Variants in SMKR1 observed in about 807,000 individuals in gnomAD.
The protein encoded by SMKR1 is small lysine rich protein 1.
Under a neutral mutation model 4.0 loss-of-function variants are expected in SMKR1, and 4 were observed. The observed-to-expected ratio is 1.00, with a 90% CI of 0.49 to 2.30. SMKR1 has a LOEUF of 2.30. Among genes scored for constraint, SMKR1 ranks in the 30% most tolerant of loss-of-function variants. SMKR1 has a pLI of 0.02. For missense variants in SMKR1, 56 were observed against 81.8 expected, an observed-to-expected ratio of 0.68 and a Z score of 1.22; for synonymous variants, 38 against 32.5, an observed-to-expected ratio of 1.17 and a Z score of -0.58.
At chr7:129,504,855 G>A (rs639696) in intron 1 of SMKR1, among the ~76,000 whole-genome samples, 47,412 of 152,134 alleles carry the variant, frequency 0.31, 7,628 homozygotes, top group African/African-American at 0.4. Flanking sequence ...CTGGCCAATA[G>A]GGCCCTTTCT....
At position 129,502,679 on chromosome 7, in the gene SMKR1, TG is replaced by T. The variant is rs1799422675; in HGVS notation, c.-143del. 2 of 1,260,082 alleles carry T rather than the reference TG, an allele frequency of 1.6e-6. No homozygotes were observed. Among genetic ancestry groups the T allele is most frequent in the Non-Finnish European group, 2.2e-6 (2 of 911,214 alleles). The allele number at this position is 1,260,082 out of a possible 1,614,324, so 78.1% of individuals were successfully genotyped here. On this transcript the variant is annotated 5_prime_UTR_variant, in exon 1 of 2. Coordinates refer to ENST00000462322, the MANE Select transcript of SMKR1 (RefSeq NM_001195243.2). ...GCGTGGCGGGGAGGCGTAGTGAGGC[TG>T]GGCCCGTGGCGGTTCCCTGAGGAGG...
At chr7:129,507,970 C>A (rs1005889658) in intron 1 of SMKR1, among the ~76,000 whole-genome samples, 1 of 152,102 alleles carries the variant, frequency 6.6e-6, no homozygotes, top group African/African-American at 2.4e-5. Flanking sequence ...TTTTCATTCT[C>A]TTAATAATAT....
chr7:129,505,482 T>TC (rs1554389827), intron 1 of SMKR1, among the ~76,000 whole-genome samples: 1 of 151,668 alleles, frequency 6.6e-6, no homozygotes, highest in East Asian at 1.9e-4. Flanking sequence ...TCTCTTTTTC[T>TC]CTTTTTTTTT....
At chr7:129,503,560 C>G (rs970254683) in intron 1 of SMKR1, among the ~76,000 whole-genome samples, 2 of 152,232 alleles carry the variant, frequency 1.3e-5, no homozygotes, top group African/African-American at 4.8e-5. Context: ...CTTGCGCCTT[C>G]CCTGTCTTGA....
rs1398653272 is a variant in SMKR1 at position 129,502,705 on chromosome 7, G to A, written c.-120G>A. ...GGGCCCGTGGCGGTTCCCTGAGGAG[G>A]GCCGAGAAGGGGCCGGGGGTGCTAG... On this transcript the variant is annotated 5_prime_UTR_variant, in exon 1 of 2. Coordinates refer to ENST00000462322, the MANE Select transcript of SMKR1 (RefSeq NM_001195243.2). 3 of 1,454,744 alleles carry A rather than the reference G, an allele frequency of 2.1e-6. No homozygotes were observed. The highest frequency in any genetic ancestry group is 2.8e-6 in the Non-Finnish European group (3 of 1,077,302). 90.1% of individuals were successfully genotyped at this position (1,454,744 alleles called of 1,614,324 possible). A position where few individuals can be genotyped will look rare whatever the true frequency, so the allele number is the denominator to read the frequency against.
chr7:129,502,918 G>T, intron 1 of SMKR1, 91 bp downstream of exon 1: 1 of 1,516,078 alleles, frequency 6.6e-7, no homozygotes, highest in Admixed American at 2.0e-5. Flanking sequence ...CGAGGTCACC[G>T]CCTCTCCCTG....
intron 1 of SMKR1, among the ~76,000 whole-genome samples, chr7:129,511,028 C>G (rs927270342): frequency 6.6e-6 from 1 of 152,086 alleles, no homozygotes; most frequent in Non-Finnish European, 1.5e-5. Context: ...AGGCTGGTCT[C>G]GAACTTCCTG....
chr7:129,505,532 G>A (rs1448112756), intron 1 of SMKR1, among the ~76,000 whole-genome samples: 1 of 151,566 alleles, frequency 6.6e-6, no homozygotes, highest in East Asian at 1.9e-4. Flanking sequence ...AGGCTGGAGT[G>A]CAATGGCGCG....
At chr7:129,508,064 GAA>G (rs1279671735) in intron 1 of SMKR1, among the ~76,000 whole-genome samples, 1 of 152,140 alleles carries the variant, frequency 6.6e-6, no homozygotes, top group Admixed American at 6.5e-5. Flanking sequence ...TCATATCCAA[GAA>G]ATATTTGCCT....
chr7:129,511,664 G>T (rs528271711), intron 1 of SMKR1, among the ~76,000 whole-genome samples: 2 of 152,132 alleles, frequency 1.3e-5, no homozygotes, highest in Non-Finnish European at 2.9e-5. Flanking sequence ...ATTAGATTGC[G>T]TGTGACTTTC....
At chr7:129,503,341 G>A (rs1799430666) in intron 1 of SMKR1, among the ~76,000 whole-genome samples, 3 of 148,426 alleles carry the variant, frequency 2.0e-5, no homozygotes, top group Admixed American at 2.0e-4. Flanking sequence ...CAGAAGGGCT[G>A]TGACCTTCCA....
At chr7:129,512,178 C>G in intron 1 of SMKR1, 69 bp from the exon 2 acceptor site, 1 of 1,410,266 alleles carries the variant, frequency 7.1e-7, no homozygotes. Context: ...GAGTGAAACC[C>G]TGTCTCAAAA....
chr7:129,506,902 C>T (rs566165381), intron 1 of SMKR1, among the ~76,000 whole-genome samples: 1 of 149,698 alleles, frequency 6.7e-6, no homozygotes, highest in South Asian at 2.1e-4. Flanking sequence ...TTTTCTCACC[C>T]AGGCTGGAAT....
intron 1 of SMKR1, 38 bp from the exon 2 acceptor site, chr7:129,512,209 A>G (rs1417847874): frequency 4.7e-6 from 7 of 1,480,316 alleles, no homozygotes; most frequent in Non-Finnish European, 6.2e-6. Flanking sequence ...CCAAAAAACT[A>G]ACTTCCCTCC....
intron 1 of SMKR1, among the ~76,000 whole-genome samples, chr7:129,505,836 C>T (rs1799459748): frequency 6.6e-6 from 1 of 152,124 alleles, no homozygotes; most frequent in Non-Finnish European, 1.5e-5. Context: ...TAAAGAGAAG[C>T]AACGAATTCT....
intron 1 of SMKR1, among the ~76,000 whole-genome samples, chr7:129,508,067 A>T (rs1400248061): frequency 6.6e-6 from 1 of 152,204 alleles, no homozygotes; most frequent in East Asian, 1.9e-4. Flanking sequence ...TATCCAAGAA[A>T]TATTTGCCTA....
Position 129,502,787 on chromosome 7 carries a change from A to G in SMKR1, c.-38A>G, listed in dbSNP as rs1030895024. 9.1e-6 allele frequency: 14 copies of G among 1,534,832 alleles called. No individual in the cohort carries two copies. In the African/African-American group the frequency reaches 1.1e-4, roughly 12 times the overall value. The stretch of plus-strand genomic sequence containing the variant: ...GGATGCTAAGGGCTTCGGGATCGGG[A>G]GAGTCCACCACGCCTGCCTGCTCGG... On this transcript the variant is annotated 5_prime_UTR_variant, in exon 1 of 2. Transcript: ENST00000462322.
chr7:129,502,699 G>A lies in SMKR1; in HGVS notation c.-126G>A, dbSNP rs937757431. 1 of 1,430,260 alleles carries A rather than the reference G, an allele frequency of 7.0e-7. No individual in the cohort carries two copies. Among genetic ancestry groups the A allele is most frequent in the Non-Finnish European group, 9.5e-7 (1 of 1,055,908 alleles). The allele number at this position is 1,430,260 out of a possible 1,614,324, so 88.6% of individuals were successfully genotyped here. On this transcript the variant is annotated 5_prime_UTR_variant, in exon 1 of 2. Coordinates refer to ENST00000462322, the MANE Select transcript of SMKR1 (RefSeq NM_001195243.2). The stretch of plus-strand genomic sequence containing the variant: ...GAGGCTGGGCCCGTGGCGGTTCCCT[G>A]AGGAGGGCCGAGAAGGGGCCGGGGG...
intron 1 of SMKR1, among the ~76,000 whole-genome samples, 179 bp from the exon 2 acceptor site, chr7:129,512,068 C>T (rs1457778525): frequency 6.6e-6 from 1 of 152,004 alleles, no homozygotes; most frequent in African/African-American, 2.4e-5. Context: ...CTTGTAATCC[C>T]AGCTACTTGG....
Sources: allele counts gnomAD v4.1 joint callset (sites outside exome capture counted in the v4.1 genomes callset), GRCh38; gene constraint gnomAD v4.1.1; transcripts MANE v1.5; gene names NCBI Gene and HGNC (gene_info 2026-07-23, HGNC 2026-07-21).